AFF1: variants seen among roughly 807,000 people sequenced by gnomAD.
AFF1 encodes the protein ALF transcription elongation factor 1, also known as AF4/FMR2 family member 1.
AFF1 carries 48 observed loss-of-function variants against 121.7 expected under a neutral mutation model. The ratio of observed to expected loss-of-function variants is 0.39; its 90% CI spans 0.31 to 0.50. The LOEUF is 0.50. AFF1 is among the 20% of genes least tolerant of loss of function. The pLI, the probability that AFF1 is intolerant of heterozygous loss-of-function variation, is 0.76. For synonymous variants in AFF1, 613 were observed against 563.0 expected, an observed-to-expected ratio of 1.09 and a Z score of -1.26; for missense variants, 1,523 against 1,511.7, an observed-to-expected ratio of 1.01 and a Z score of -0.12.
chr4:87,015,672 T>C, intron 2 of AFF1, among the ~76,000 whole-genome samples: 1 of 152,232 alleles, frequency 6.6e-6, no homozygotes, highest in Non-Finnish European at 1.5e-5. Flanking sequence ...AAAAACACCT[T>C]CATTTCTTTC....
chr4:87,127,322 G>C (rs1378131211), intron 15 of AFF1, among the ~76,000 whole-genome samples: 1 of 151,978 alleles, frequency 6.6e-6, no homozygotes, highest in Non-Finnish European at 1.5e-5. Context: ...CATCATGCCT[G>C]GCTAACTTTT....
chr4:87,017,687 C>A (rs1056059417), intron 2 of AFF1, among the ~76,000 whole-genome samples: 5 of 152,164 alleles, frequency 3.3e-5, no homozygotes, highest in African/African-American at 1.2e-4. Context: ...ATGCGCTGTT[C>A]TCATTCACTA....
At position 87,134,473 on chromosome 4, in the gene AFF1, G is replaced by A. The variant is rs1437321247; in HGVS notation, c.3314G>A (p.Ser1105Asn). The change falls in exon 20 of 21, where the codon AGC (serine) becomes AAC (asparagine). Residue 1105 changes from serine to asparagine, a missense_variant and splice_region_variant. By Grantham distance (46) the Ser-to-Asn change is conservative. Around this residue, in one of 5 missense-constraint regions of AFF1, gnomAD observed 241 missense variants for 265.2 expected, o/e 0.91. Coordinates refer to ENST00000395146, the MANE Select transcript of AFF1 (RefSeq NM_001166693.3). Reference protein sequence around the residue: ...AQAPSPCIARSTGTPSPLSPM... With the variant: ...AQAPSPCIARNTGTPSPLSPM... ...ATCTCTTCTCTTCCACCTCCCAGAA[G>A]CACAGGCACACCATCCCCTCTTTCC... The A allele has an allele frequency of 1.3e-6, 2 of 1,593,270 alleles. No individual in the cohort carries two copies.
chr4:87,017,770 GGGGAAGGT>G (rs369603988), intron 2 of AFF1, among the ~76,000 whole-genome samples: 4 of 152,182 alleles, frequency 2.6e-5, no homozygotes, highest in African/African-American at 7.2e-5. Context: ...GGTCCTGCCT[GGGGAAGGT>G]GGTGACTATG....
At chr4:87,101,343 A>G (rs1725412862) in intron 8 of AFF1, among the ~76,000 whole-genome samples, 1 of 152,102 alleles carries the variant, frequency 6.6e-6, no homozygotes, top group African/African-American at 2.4e-5. Flanking sequence ...GGAGGCTGAA[A>G]TGAGAGGACT....
chr4:87,071,342 C>CT, intron 4 of AFF1, among the ~76,000 whole-genome samples: 1 of 152,080 alleles, frequency 6.6e-6, no homozygotes, highest in Non-Finnish European at 1.5e-5. Flanking sequence ...ACAGATAAAA[C>CT]TGATCTGCTC....
chr4:87,045,515 G>A (rs998518351), intron 2 of AFF1, among the ~76,000 whole-genome samples: 1 of 151,824 alleles, frequency 6.6e-6, no homozygotes, highest in African/African-American at 2.4e-5. Flanking sequence ...TTTAAGTAGG[G>A]CAGTCAGATT....
chr4:86,941,233 A>C (rs983886404), intron 1 of AFF1, among the ~76,000 whole-genome samples: 1 of 152,208 alleles, frequency 6.6e-6, no homozygotes, highest in African/African-American at 2.4e-5. Context: ...TGAAACAGCC[A>C]GGTACAGTGC....
intron 2 of AFF1, among the ~76,000 whole-genome samples, chr4:86,969,936 T>C (rs995079663): frequency 6.2e-5 from 9 of 145,036 alleles, no homozygotes; most frequent in African/African-American, 2.3e-4. Flanking sequence ...TTGCATGATA[T>C]AGTATACAAA....
chr4:86,946,281 A>G (rs937668304), intron 1 of AFF1, among the ~76,000 whole-genome samples: 2 of 152,088 alleles, frequency 1.3e-5, no homozygotes, highest in African/African-American at 2.4e-5. Flanking sequence ...TCTAACATCT[A>G]TATATTTTAC....
At position 87,047,100 on chromosome 4, in the gene AFF1, G is replaced by A; in HGVS notation, c.565G>A (p.Asp189Asn). ...TCACAAGAAAGGTGACCGAAGAGCT[G>A]ACGGAGACCACTGTGCTTCGGTGAC... Reference protein sequence around the residue: ...SHHKKGDRRADGDHCASVTDS... With the variant: ...SHHKKGDRRANGDHCASVTDS... The change falls in exon 4 of 21, where the codon GAC (aspartate) becomes AAC (asparagine). Residue 189 changes from aspartate (D) to asparagine (N), a missense_variant. This residue lies in a region of AFF1 where 369 missense variants were observed against 367.2 expected (regional missense o/e 1.00). Transcript: ENST00000395146. 1 of 1,614,180 alleles carries A rather than the reference G, an allele frequency of 6.2e-7. No homozygotes were observed. Among genetic ancestry groups the A allele is most frequent in the South Asian group, 1.1e-5 (1 of 91,074 alleles).
chr4:86,937,462 C>T (rs542667907), intron 1 of AFF1, among the ~76,000 whole-genome samples: 3 of 152,320 alleles, frequency 2.0e-5, no homozygotes, highest in African/African-American at 7.2e-5. Flanking sequence ...TTTTGCAGAG[C>T]TGGTTGAGGT....
intron 2 of AFF1, among the ~76,000 whole-genome samples, chr4:86,983,945 G>A (rs577745202): frequency 6.6e-6 from 1 of 151,618 alleles, no homozygotes; most frequent in East Asian, 2.0e-4. Context: ...GCTGAGGCAG[G>A]AGAATGGTGT....
chr4:87,028,198 CTG>C (rs1163064487), intron 2 of AFF1, among the ~76,000 whole-genome samples: 1 of 152,088 alleles, frequency 6.6e-6, no homozygotes, highest in African/African-American at 2.4e-5. Flanking sequence ...CTCTTTGTTG[CTG>C]TGTCCATCCA....
intron 2 of AFF1, among the ~76,000 whole-genome samples, chr4:87,025,914 C>T (rs1310774379): frequency 6.6e-6 from 1 of 152,150 alleles, no homozygotes; most frequent in Non-Finnish European, 1.5e-5. Context: ...ACAGTATGTG[C>T]AAGACACTCC....
At chr4:87,094,819 TTAGG>T in intron 7 of AFF1, 92 bp from the exon 8 acceptor site, 1 of 1,097,672 alleles carries the variant, frequency 9.1e-7, no homozygotes, top group South Asian at 1.3e-5. Flanking sequence ...TGCAGTGTGT[TTAGG>T]TAAAAACTGG....
intron 10 of AFF1, among the ~76,000 whole-genome samples, chr4:87,106,366 G>T (rs1295210628): frequency 6.6e-6 from 1 of 152,212 alleles, no homozygotes; most frequent in African/African-American, 2.4e-5. Flanking sequence ...TTGGGTGACA[G>T]AGCGAGACTC....
rs1017551562 is a variant in AFF1, at chr4:87,098,165, G to A, written c.1283+3196G>A. On this transcript the variant is annotated intron_variant, in intron 8 of 20. Coordinates refer to ENST00000395146, the MANE Select transcript of AFF1 (RefSeq NM_001166693.3). ...AGAGAGGCCCAGTAGTAAAGGATAAGCTTGCGAGTGGTCTGTATTAACTCA... is the reference window on the plus strand; with the variant it reads ...AGAGAGGCCCAGTAGTAAAGGATAAACTTGCGAGTGGTCTGTATTAACTCA... 2.0e-4 allele frequency among the ~76,000 whole-genome samples: 30 copies of A among 152,178 alleles called. 1 individual carries two copies. Among genetic ancestry groups the A allele is most frequent in the South Asian group, 2.1e-4 (1 of 4,830 alleles).
At chr4:86,969,879 CAAAAAAAAA>C (rs70953629) in intron 2 of AFF1, among the ~76,000 whole-genome samples, 1 of 63,610 alleles carries the variant, frequency 1.6e-5, no homozygotes, top group Admixed American at 2.1e-4. Context: ...GACTCCGTCT[CAAAAAAAAA>C]AAAAAAAAAG....
Sources: gnomAD v4.1 joint callset for allele counts (sites outside exome capture counted in the v4.1 genomes callset) on GRCh38, gnomAD v4.1.1 for gene constraint, gnomAD v4.1.1 regional missense constraint, MANE v1.5 for transcripts, NCBI Gene and HGNC (gene_info 2026-07-23, HGNC 2026-07-21) for gene names.